GABRB1: variants seen among roughly 807,000 people sequenced by gnomAD.
GABRB1 encodes the protein gamma-aminobutyric acid type A receptor subunit beta1, also known as gamma-aminobutyric acid receptor subunit beta-1.
In GABRB1, 17 loss-of-function variants were observed where a neutral mutation model predicts 51.6. The ratio of observed to expected loss-of-function variants is 0.33; its 90% confidence interval spans 0.23 to 0.49. The LOEUF is 0.49. GABRB1 is among the 20% of genes least tolerant of loss of function. GABRB1 has a pLI of 0.99. For synonymous variants in GABRB1, 247 were observed against 218.9 expected (o/e 1.13, Z -1.14); for missense variants, 410 against 600.6 (o/e 0.68, Z 3.32).
intron 1 of GABRB1, among the ~76,000 whole-genome samples, chr4:46,996,641 G>A (rs1057249455): frequency 1.3e-5 from 2 of 152,128 alleles, no homozygotes; most frequent in African/African-American, 2.4e-5. Context: ...GACCAAACAG[G>A]CGAATGAATA....
In GABRB1 at chr4:47,159,460, A is replaced by G. The variant is rs927126128; in HGVS notation, c.241-1789A>G. 2.6e-5 allele frequency among the ~76,000 whole-genome samples: 4 copies of G among 151,980 alleles called. No individual in the cohort carries two copies. The East Asian group carries it at 7.7e-4, about 29-fold the overall frequency. ...TCACAATGTTAAGAACTTGTAGAGGATGCAAATGAGAATGGTAGTAACTGA... is the reference window on the plus strand; with the variant it reads ...TCACAATGTTAAGAACTTGTAGAGGGTGCAAATGAGAATGGTAGTAACTGA... On this transcript the variant is annotated intron_variant, in intron 3 of 8. Coordinates refer to ENST00000295454, the MANE Select transcript of GABRB1 (RefSeq NM_000812.4).
At chr4:47,339,503 T>C (rs1725807805) in intron 5 of GABRB1, among the ~76,000 whole-genome samples, 1 of 151,826 alleles carries the variant, frequency 6.6e-6, no homozygotes, top group Non-Finnish European at 1.5e-5. Flanking sequence ...AACAAGTACC[T>C]AGAAAGTAAT....
At chr4:47,050,415 A>ATGTATGTATATACG (rs1345538985) in intron 3 of GABRB1, among the ~76,000 whole-genome samples, 1 of 149,398 alleles carries the variant, frequency 6.7e-6, no homozygotes, top group Non-Finnish European at 1.5e-5. Context: ...CAGGCAACAA[A>ATGTATGTATATACG]TATATGTATA....
chr4:47,079,092 G>A (rs1727706817), intron 3 of GABRB1, among the ~76,000 whole-genome samples: 1 of 152,140 alleles, frequency 6.6e-6, no homozygotes, highest in African/African-American at 2.4e-5. Context: ...TTGTGTTTCT[G>A]CCAGGCTTTG....
chr4:47,119,544 T>G (rs1285290559), intron 3 of GABRB1, among the ~76,000 whole-genome samples: 1 of 151,498 alleles, frequency 6.6e-6, no homozygotes, highest in African/African-American at 2.4e-5. Flanking sequence ...GTTTCGCTCT[T>G]GTTGCCCAGG....
intron 3 of GABRB1, among the ~76,000 whole-genome samples, chr4:47,047,617 A>T (rs1726155366): frequency 6.6e-6 from 1 of 152,122 alleles, no homozygotes; most frequent in South Asian, 2.1e-4. Flanking sequence ...GATTTAGGGA[A>T]TATGGTTAAT....
chr4:47,169,979 G>A (rs1252572185), intron 4 of GABRB1, among the ~76,000 whole-genome samples: 1 of 152,082 alleles, frequency 6.6e-6, no homozygotes, highest in Non-Finnish European at 1.5e-5. Flanking sequence ...AGCCTAAATG[G>A]GAGTAGCTCT....
intron 3 of GABRB1, among the ~76,000 whole-genome samples, chr4:47,086,039 C>T (rs1560527270): frequency 6.6e-6 from 1 of 152,212 alleles, no homozygotes. Context: ...TTTATTATAA[C>T]AAGCTGCCAT....
intron 3 of GABRB1, among the ~76,000 whole-genome samples, chr4:47,098,835 T>C (rs1022126175): frequency 3.3e-5 from 5 of 152,238 alleles, no homozygotes; most frequent in Admixed American, 1.3e-4. Flanking sequence ...ATGTTTTTAT[T>C]CCATAATAAC....
intron 5 of GABRB1, among the ~76,000 whole-genome samples, chr4:47,390,984 T>C (rs1263729491): frequency 1.3e-5 from 2 of 152,086 alleles, no homozygotes; most frequent in Non-Finnish European, 2.9e-5. Flanking sequence ...GAGACCAGCC[T>C]GGCCAACATG....
intron 4 of GABRB1, among the ~76,000 whole-genome samples, chr4:47,222,909 C>A (rs1362283795): frequency 2.6e-5 from 4 of 152,058 alleles, no homozygotes; most frequent in Admixed American, 2.6e-4. Context: ...AAATTCATTT[C>A]TCTCTTAGGT....
At chr4:47,084,474 A>G (rs1159987493) in intron 3 of GABRB1, among the ~76,000 whole-genome samples, 3 of 152,220 alleles carry the variant, frequency 2.0e-5, no homozygotes, top group Non-Finnish European at 4.4e-5. Context: ...TTGGTGCAGG[A>G]TATCTCTGCC....
At chr4:47,147,182 A>G (rs116505977) in intron 3 of GABRB1, among the ~76,000 whole-genome samples, 5,991 of 152,198 alleles carry the variant, frequency 0.039, 167 homozygotes, top group Middle Eastern at 0.13. Flanking sequence ...CTTTAAATTA[A>G]CATCCAATAT....
At position 47,342,327 on chromosome 4, in the gene GABRB1, C is replaced by T. The variant is rs181826009; in HGVS notation, c.544+22118C>T. On this transcript the variant is annotated intron_variant, in intron 5 of 8. Transcript: ENST00000295454. ...CATAAACTGGAATTTCTGTAATTCA[C>T]TGAAGGAATAGATCAGGGATTTATT... 2.0e-3 allele frequency among the ~76,000 whole-genome samples: 297 copies of T among 152,100 alleles called. 3 individuals carry two copies. Among genetic ancestry groups the T allele is most frequent in the Non-Finnish European group, 1.7e-3 (117 of 67,992 alleles).
intron 3 of GABRB1, among the ~76,000 whole-genome samples, chr4:47,157,644 G>A (rs967894818): frequency 4.6e-5 from 7 of 152,072 alleles, no homozygotes; most frequent in African/African-American, 4.8e-5. Flanking sequence ...CACAGAGCAC[G>A]CCACAGGAGA....
At chr4:47,356,303 T>A (rs1406310156) in intron 5 of GABRB1, among the ~76,000 whole-genome samples, 1 of 152,156 alleles carries the variant, frequency 6.6e-6, no homozygotes, top group Non-Finnish European at 1.5e-5. Flanking sequence ...TAGACATATA[T>A]TGTTCATTAA....
intron 3 of GABRB1, among the ~76,000 whole-genome samples, chr4:47,092,165 C>G (rs12504258): frequency 5.0e-5 from 3 of 60,512 alleles, no homozygotes; most frequent in African/African-American, 2.1e-4. Flanking sequence ...TTCTTTCTTT[C>G]TTTTTTTTTT....
chr4:47,255,844 G>C (rs559202755), intron 4 of GABRB1, among the ~76,000 whole-genome samples: 127 of 152,306 alleles, frequency 8.3e-4, no homozygotes, highest in Non-Finnish European at 1.6e-3. Flanking sequence ...ATTGGAATAG[G>C]GGTGATGCAC....
chr4:47,284,458 A>G (rs2059444387), intron 4 of GABRB1, among the ~76,000 whole-genome samples: 1 of 152,160 alleles, frequency 6.6e-6, no homozygotes, highest in African/African-American at 2.4e-5. Flanking sequence ...ACAATACTCA[A>G]CCCCGAAATT....
Sources: allele counts gnomAD v4.1 joint callset (sites outside exome capture counted in the v4.1 genomes callset), GRCh38; gene constraint gnomAD v4.1.1; transcripts MANE v1.5; gene names NCBI Gene and HGNC (gene_info 2026-07-23, HGNC 2026-07-21).